RALYL: variants seen among roughly 807,000 people sequenced by gnomAD.
RALYL encodes the protein RNA-binding Raly-like protein.
In RALYL, 29 loss-of-function variants were observed where a neutral mutation model predicts 35.1. The observed-to-expected ratio is 0.83, with a 90% CI of 0.61 to 1.13. The LOEUF (loss-of-function observed/expected upper bound fraction) is 1.13. Among genes scored for constraint, RALYL ranks in the 50% most tolerant of loss-of-function variants. The pLI, the probability that RALYL is intolerant of heterozygous loss-of-function variation, is 0.00. For missense variants in RALYL, 359 were observed against 360.4 expected (o/e 1.00, Z 0.03); for synonymous variants, 120 against 127.6 (o/e 0.94, Z 0.40).
At chr8:84,767,063 T>C (rs1408754467) in intron 2 of RALYL, among the ~76,000 whole-genome samples, 1 of 152,152 alleles carries the variant, frequency 6.6e-6, no homozygotes, top group Non-Finnish European at 1.5e-5. Flanking sequence ...TGAAAGTATC[T>C]TCCCAAGAGT....
chr8:84,669,051 A>G (rs1832666557), intron 2 of RALYL, among the ~76,000 whole-genome samples: 1 of 152,074 alleles, frequency 6.6e-6, no homozygotes, highest in South Asian at 2.1e-4. Flanking sequence ...TATTATGTTC[A>G]TGTGTCTTGC....
chr8:84,816,475 G>A lies in RALYL; in HGVS notation c.365+11673G>A, dbSNP rs542743352. Among the ~76,000 whole-genome samples the A allele has an allele frequency of 7.1e-4, 108 of 152,044 alleles. 1 individual carries two copies. The highest frequency in any genetic ancestry group is 2.4e-3 in the African/African-American group (100 of 41,446). ...TTTTTCATAAGTAGCTTTATATGAG[G>A]ATGCTTATTACATTGGTTAAAAAAA... On this transcript the variant is annotated intron_variant, in intron 4 of 8. Transcript: ENST00000521268.
intron 2 of RALYL, among the ~76,000 whole-genome samples, chr8:84,686,431 G>T (rs1292133437): frequency 6.6e-6 from 1 of 151,792 alleles, no homozygotes; most frequent in Non-Finnish European, 1.5e-5. Flanking sequence ...TTGAGACTGG[G>T]TTCAGCTCTG....
intron 8 of RALYL, among the ~76,000 whole-genome samples, chr8:84,901,302 C>CA (rs1845651993): frequency 6.6e-6 from 1 of 152,118 alleles, no homozygotes; most frequent in Non-Finnish European, 1.5e-5. Flanking sequence ...GTCATCAGGA[C>CA]AAAATCTCAC....
At chr8:84,552,161 A>G (rs78441087) in intron 2 of RALYL, among the ~76,000 whole-genome samples, 4,391 of 151,138 alleles carry the variant, frequency 0.029, 109 homozygotes, top group Middle Eastern at 0.075. Context: ...AATGAAAAAG[A>G]ACAGTGAGAG....
intron 1 of RALYL, among the ~76,000 whole-genome samples, chr8:84,415,222 T>G (rs1258848341): frequency 2.0e-5 from 3 of 150,880 alleles, no homozygotes; most frequent in South Asian, 2.1e-4. Context: ...TTTTTTTGTT[T>G]TTTTGTTTTG....
At chr8:84,228,439 CA>C (rs1824504338) in intron 1 of RALYL, among the ~76,000 whole-genome samples, 1 of 152,036 alleles carries the variant, frequency 6.6e-6, no homozygotes, top group Admixed American at 6.6e-5. Flanking sequence ...AGAGCTAATC[CA>C]AGACATAAAG....
intron 3 of RALYL, among the ~76,000 whole-genome samples, chr8:84,798,934 G>A (rs1822556464): frequency 6.6e-6 from 1 of 152,196 alleles, no homozygotes; most frequent in Non-Finnish European, 1.5e-5. Context: ...CGTGGAGTCT[G>A]TAGACTGAAG....
At chr8:84,733,832 C>T (rs1400028813) in intron 2 of RALYL, among the ~76,000 whole-genome samples, 1 of 152,132 alleles carries the variant, frequency 6.6e-6, no homozygotes, top group African/African-American at 2.4e-5. Context: ...AAATACCTGA[C>T]CCATCACTAT....
At chr8:84,285,405 A>C (rs536459408) in intron 1 of RALYL, among the ~76,000 whole-genome samples, 4 of 152,330 alleles carry the variant, frequency 2.6e-5, no homozygotes, top group Admixed American at 2.6e-4. Flanking sequence ...GATAATTGTT[A>C]GTAAGATATG....
At chr8:84,845,923 A>G (rs1834551789) in intron 4 of RALYL, among the ~76,000 whole-genome samples, 1 of 151,996 alleles carries the variant, frequency 6.6e-6, no homozygotes, top group Non-Finnish European at 1.5e-5. Flanking sequence ...AGTTTTGTTG[A>G]ATTTTTCAGA....
chr8:84,347,518 A>G (rs1395393139), intron 1 of RALYL, among the ~76,000 whole-genome samples: 1 of 151,922 alleles, frequency 6.6e-6, no homozygotes, highest in Non-Finnish European at 1.5e-5. Flanking sequence ...TGCCCTCTCT[A>G]AGGTTAATAT....
chr8:84,328,681 C>A (rs1846270010), intron 1 of RALYL, among the ~76,000 whole-genome samples: 2 of 152,098 alleles, frequency 1.3e-5, no homozygotes, highest in South Asian at 4.1e-4. Context: ...TTGCAGGATG[C>A]TAAGGTTTGG....
At chr8:84,327,698 C>T (rs1279693073) in intron 1 of RALYL, among the ~76,000 whole-genome samples, 3 of 151,608 alleles carry the variant, frequency 2.0e-5, no homozygotes, top group African/African-American at 7.3e-5. Context: ...AAAAAATTGC[C>T]ATTCCCCTCA....
At chr8:84,878,267 G>C (rs1039718737) in intron 7 of RALYL, among the ~76,000 whole-genome samples, 3 of 152,210 alleles carry the variant, frequency 2.0e-5, no homozygotes, top group African/African-American at 7.2e-5. Context: ...GAGGGAGAAA[G>C]TTTCCGTAAT....
chr8:84,515,376 A>G (rs1189946140), intron 1 of RALYL, among the ~76,000 whole-genome samples: 1 of 152,152 alleles, frequency 6.6e-6, no homozygotes, highest in South Asian at 2.1e-4. Context: ...GGAATGTTAT[A>G]TATACTGTCT....
At chr8:84,253,179 T>A (rs1049952335) in intron 1 of RALYL, among the ~76,000 whole-genome samples, 1 of 66,308 alleles carries the variant, frequency 1.5e-5, no homozygotes, top group African/African-American at 6.0e-5. Context: ...TTCTGCAGTT[T>A]TTTTTTTTTT....
intron 3 of RALYL, among the ~76,000 whole-genome samples, chr8:84,791,173 A>G (rs148718724): frequency 6.5e-4 from 99 of 152,330 alleles, no homozygotes; most frequent in Admixed American, 5.8e-3. Flanking sequence ...GCAATTTTTT[A>G]TAGGGTGCTC....
chr8:84,254,064 G>A (rs1031028529), intron 1 of RALYL, among the ~76,000 whole-genome samples: 12 of 152,120 alleles, frequency 7.9e-5, no homozygotes, highest in Admixed American at 2.6e-4. Flanking sequence ...CCTGGGGACC[G>A]CCACAGTTTT....
Sources: allele counts gnomAD v4.1 joint callset (sites outside exome capture counted in the v4.1 genomes callset), GRCh38; gene constraint gnomAD v4.1.1; transcripts MANE v1.5; gene names NCBI Gene and HGNC (gene_info 2026-07-23, HGNC 2026-07-21).